The following SFXN1 variants were observed in gnomAD, a reference collection of about 807,000 sequenced individuals.
SFXN1 encodes sideroflexin-1.
In SFXN1, 32 loss-of-function variants were observed where a neutral mutation model predicts 39.5. That is an observed-to-expected ratio of 0.81 (90% CI 0.61 to 1.09). The LOEUF (loss-of-function observed/expected upper bound fraction) is 1.09, where lower values mean the gene tolerates loss of function less well. SFXN1 is among the 50% of genes least tolerant of loss of function. The probability of loss-of-function intolerance (pLI) is 0.00; values close to 1 mark genes in which losing one functional copy is unlikely to be tolerated. For missense variants in SFXN1, 402 were observed against 407.1 expected, an observed-to-expected ratio of 0.99 and a Z score of 0.11; for synonymous variants, 136 against 146.5, an observed-to-expected ratio of 0.93 and a Z score of 0.52.
chr5:175,487,240 A>G lies in SFXN1; in HGVS notation c.-9-4855A>G, dbSNP rs527540075. 1.2e-4 allele frequency among the ~76,000 whole-genome samples: 19 copies of G among 152,310 alleles called. No individual in the cohort carries two copies. The East Asian group carries it at 2.7e-3, about 22-fold the overall frequency. The stretch of plus-strand genomic sequence containing the variant: ...CTCCTGGATCAGAACCTCTAGAAGG[A>G]GGATAGTATTTGTCTTTATAAGAAG... On this transcript the variant is annotated intron_variant, in intron 1 of 10. Coordinates refer to ENST00000321442, the MANE Select transcript of SFXN1 (RefSeq NM_022754.7).
intron 10 of SFXN1, chr5:175,524,137 T>A (rs1237036235): frequency 4.9e-3 from 88 of 18,048 alleles, no homozygotes; most frequent in African/African-American, 0.024. Flanking sequence ...TATATATATA[T>A]ATATATATAT....
chr5:175,512,249 T>C, intron 6 of SFXN1, 53 bp downstream of exon 6: 4 of 1,460,720 alleles, frequency 2.7e-6, no homozygotes, highest in Non-Finnish European at 3.8e-6. Context: ...GGAGAGTCTC[T>C]TGTAATAATT....
chr5:175,492,184 T>G lies in SFXN1; in HGVS notation c.81T>G (p.His27Gln). The change falls in exon 2 of 11, where the codon CAT (histidine) becomes CAG (glutamine). Residue 27 changes from histidine to glutamine, a missense_variant. Coordinates refer to ENST00000321442, the MANE Select transcript of SFXN1 (RefSeq NM_022754.7). Reference protein sequence around the residue: ...DQSTFIGRANHFFTVTDPRNI... With the variant: ...DQSTFIGRANQFFTVTDPRNI... Reference sequence around the variant, plus strand: ...GCACTTTCATTGGACGAGCCAATCATTTCTTCACTGTAACTGACCCCAGGA... The same window carrying G: ...GCACTTTCATTGGACGAGCCAATCAGTTCTTCACTGTAACTGACCCCAGGA... 1 of 1,614,154 alleles carries G rather than the reference T, an allele frequency of 6.2e-7. No homozygotes were observed. The highest frequency in any genetic ancestry group is 8.5e-7 in the Non-Finnish European group (1 of 1,180,022).
chr5:175,517,762 T>C (rs538688523), intron 8 of SFXN1, among the ~76,000 whole-genome samples: 4 of 152,262 alleles, frequency 2.6e-5, no homozygotes, highest in African/African-American at 9.6e-5. Context: ...CATTCTATTG[T>C]GAAGGCGGGC....
Position 175,509,308 on chromosome 5 carries a change from A to G in SFXN1, c.335+106A>G, listed in dbSNP as rs1760429418. ...GAAATAAGTATTATTTCATAAGTAT[A>G]TGAAGTGACAAACAAGGTAATTAGC... On this transcript the variant is annotated intron_variant, in intron 3 of 10. Coordinates refer to ENST00000321442, the MANE Select transcript of SFXN1 (RefSeq NM_022754.7). 8.9e-6 allele frequency: 10 copies of G among 1,122,300 alleles called. No homozygotes were observed. In the Admixed American group the frequency reaches 2.4e-4, roughly 26 times the overall value. The allele number at this position is 1,122,300 out of a possible 1,614,324, so 69.5% of individuals were successfully genotyped here.
At chr5:175,505,852 T>C (rs749164887) in intron 2 of SFXN1, among the ~76,000 whole-genome samples, 9 of 152,198 alleles carry the variant, frequency 5.9e-5, no homozygotes, top group Non-Finnish European at 1.0e-4. Flanking sequence ...TTAGTTTCAT[T>C]CTTGTTGCCC....
chr5:175,482,669 T>C (rs1168108854), intron 1 of SFXN1, among the ~76,000 whole-genome samples: 2 of 152,194 alleles, frequency 1.3e-5, no homozygotes, highest in African/African-American at 2.4e-5. Flanking sequence ...AGGCCTCTTA[T>C]ACTCTTCAGT....
At chr5:175,496,705 G>A (rs1443053228) in intron 2 of SFXN1, among the ~76,000 whole-genome samples, 1 of 152,132 alleles carries the variant, frequency 6.6e-6, no homozygotes, top group African/African-American at 2.4e-5. Context: ...TAGAATACCT[G>A]AAGCTTGCAT....
intron 7 of SFXN1, among the ~76,000 whole-genome samples, chr5:175,516,207 C>G (rs967017600): frequency 2.0e-5 from 3 of 152,078 alleles, no homozygotes; most frequent in Non-Finnish European, 4.4e-5. Flanking sequence ...GGGTTGGGGC[C>G]CCTGGTCTAG....
chr5:175,524,789 CAAA>C (rs1269115370), intron 10 of SFXN1, among the ~76,000 whole-genome samples: 1 of 151,384 alleles, frequency 6.6e-6, no homozygotes, highest in African/African-American at 2.4e-5. Context: ...TTAATCAAAA[CAAA>C]AAGAGAAAGA....
chr5:175,481,893 A>G (rs1759267827), intron 1 of SFXN1, among the ~76,000 whole-genome samples: 1 of 152,204 alleles, frequency 6.6e-6, no homozygotes, highest in Admixed American at 6.5e-5. Context: ...CTATATGCAG[A>G]TGACCAGCCC....
chr5:175,479,722 C>T (rs1453341599), intron 1 of SFXN1, among the ~76,000 whole-genome samples: 3 of 152,206 alleles, frequency 2.0e-5, no homozygotes, highest in Non-Finnish European at 4.4e-5. Flanking sequence ...AAAAGCCTAG[C>T]TCTGCTTCAC....
intron 2 of SFXN1, among the ~76,000 whole-genome samples, chr5:175,503,150 G>A (rs143241355): frequency 1.4e-4 from 21 of 152,130 alleles, no homozygotes; most frequent in African/African-American, 2.9e-4. Context: ...ATTCCGGGGC[G>A]GTTACACCAC....
intron 2 of SFXN1, among the ~76,000 whole-genome samples, chr5:175,505,701 G>A (rs1038481333): frequency 6.6e-6 from 1 of 152,048 alleles, no homozygotes; most frequent in Non-Finnish European, 1.5e-5. Context: ...GTGGGTATTG[G>A]CATCAGAATA....
chr5:175,489,633 G>A (rs1759584834), intron 1 of SFXN1, among the ~76,000 whole-genome samples: 1 of 152,204 alleles, frequency 6.6e-6, no homozygotes, highest in African/African-American at 2.4e-5. Context: ...TCCCCTCTTT[G>A]GGGAACTGTT....
In SFXN1 at chr5:175,492,257, C is replaced by T; in HGVS notation, c.154C>T (p.His52Tyr). ...ACTCGAGAGTGCGAGAAAAATAGTA[C>T]ATGATTACAGGTAACATTAATTATT... The part of the protein sequence containing the change: ...EQLESARKIV[H>Y]DYRQGIVPPG... The change falls in exon 2 of 11, where the codon CAT (histidine) becomes TAT (tyrosine). Residue 52 changes from histidine to tyrosine, a missense_variant. Transcript: ENST00000321442. The T allele has an allele frequency of 6.2e-7, 1 of 1,610,348 alleles. No individual in the cohort carries two copies. Among genetic ancestry groups the T allele is most frequent in the Non-Finnish European group, 8.5e-7 (1 of 1,178,958 alleles).
chr5:175,504,241 A>G (rs770787034), intron 2 of SFXN1, among the ~76,000 whole-genome samples: 18 of 152,130 alleles, frequency 1.2e-4, no homozygotes, highest in Non-Finnish European at 2.4e-4. Context: ...AAACTTGGAC[A>G]TGAGCCCTTT....
At chr5:175,511,657 G>A (rs868212793) in intron 5 of SFXN1, 131 bp downstream of exon 5, 1 of 737,090 alleles carries the variant, frequency 1.4e-6, no homozygotes, top group Non-Finnish European at 2.3e-6. Flanking sequence ...ATCTTCAGCT[G>A]CATATTTTAG....
chr5:175,521,744 G>C (rs1760884838), intron 8 of SFXN1, 175 bp from the exon 9 acceptor site: 1 of 506,300 alleles, frequency 2.0e-6, no homozygotes, highest in African/African-American at 1.9e-5. Context: ...ACAGATCAAA[G>C]AAGGTTACAG....
Sources: gnomAD v4.1 joint callset for allele counts (sites outside exome capture counted in the v4.1 genomes callset) on GRCh38, gnomAD v4.1.1 for gene constraint, MANE v1.5 for transcripts, NCBI Gene and HGNC (gene_info 2026-07-23, HGNC 2026-07-21) for gene names.